SLC23A2: variants seen among roughly 807,000 people sequenced by gnomAD.
SLC23A2 encodes solute carrier family 23 member 2.
SLC23A2 carries 36 observed loss-of-function variants against 73.3 expected under a neutral mutation model. The ratio of observed to expected loss-of-function variants is 0.49; its 90% CI spans 0.38 to 0.65. The LOEUF (loss-of-function observed/expected upper bound fraction) is 0.65. Among genes scored for constraint, SLC23A2 ranks in the 30% least tolerant of loss-of-function variants. The pLI, the probability that SLC23A2 is intolerant of heterozygous loss-of-function variation, is 0.00. For missense variants in SLC23A2, 507 were observed against 841.6 expected (o/e 0.60, Z 4.92); for synonymous variants, 343 against 327.3 (o/e 1.05, Z -0.52).
At chr20:4,961,180 T>C (rs999958937) in intron 2 of SLC23A2, among the ~76,000 whole-genome samples, 3 of 150,636 alleles carry the variant, frequency 2.0e-5, no homozygotes, top group Admixed American at 6.7e-5. Flanking sequence ...CGATCTTGGC[T>C]CACTGCAACC....
chr20:4,912,133 C>G (rs1327664111), intron 4 of SLC23A2, among the ~76,000 whole-genome samples: 3 of 151,816 alleles, frequency 2.0e-5, no homozygotes, highest in Admixed American at 2.0e-4. Flanking sequence ...GTGTGAGCCA[C>G]TGAGCCCAGA....
intron 9 of SLC23A2, among the ~76,000 whole-genome samples, chr20:4,880,975 C>T (rs971031348): frequency 3.3e-5 from 5 of 152,290 alleles, no homozygotes; most frequent in Non-Finnish European, 7.4e-5. Flanking sequence ...GAGCAAGGCT[C>T]GCAGAGGGTG....
chr20:4,908,872 T>C (rs1932048325), intron 4 of SLC23A2, among the ~76,000 whole-genome samples: 1 of 152,214 alleles, frequency 6.6e-6, no homozygotes, highest in Non-Finnish European at 1.5e-5. Flanking sequence ...GGGCGGAGGT[T>C]GCAGTGAGCT....
At chr20:4,940,599 A>G (rs1015570201) in intron 2 of SLC23A2, among the ~76,000 whole-genome samples, 1 of 152,198 alleles carries the variant, frequency 6.6e-6, no homozygotes, top group Non-Finnish European at 1.5e-5. Flanking sequence ...ACATTTTAAC[A>G]TTGTTAAGAA....
intron 3 of SLC23A2, among the ~76,000 whole-genome samples, chr20:4,913,695 C>T (rs868016627): frequency 1.3e-5 from 2 of 152,046 alleles, no homozygotes; most frequent in South Asian, 4.1e-4. Flanking sequence ...GGCGTGATCT[C>T]GGCTCACTGC....
chr20:4,979,202 A>T (rs1258899046), intron 1 of SLC23A2, among the ~76,000 whole-genome samples: 2 of 152,144 alleles, frequency 1.3e-5, no homozygotes, highest in Non-Finnish European at 2.9e-5. Context: ...CTGAGGCAGG[A>T]GAATCGCTTG....
In SLC23A2 at chr20:4,899,527, G is replaced by C. The variant is rs200443128; in HGVS notation, c.482+28C>G. The C allele has an allele frequency of 4.9e-4, 789 of 1,607,838 alleles. 4 individuals are homozygous for C. In the African/African-American group the frequency reaches 8.9e-3, roughly 18 times the overall value. On this transcript the variant is annotated intron_variant, in intron 6 of 16. Coordinates refer to ENST00000338244, the MANE Select transcript of SLC23A2 (RefSeq NM_005116.6). This position sits in a 1 kb window ranked among gnomAD's most constrained non-coding sequence, Gnocchi z 4.9. ...CGCTCAATGCCTTCTGGGGGCTTTG[G>C]CATCCCCCATTAGTACCCCAATCTC...
chr20:4,951,656 G>A (rs2087204737), intron 2 of SLC23A2, among the ~76,000 whole-genome samples: 1 of 152,160 alleles, frequency 6.6e-6, no homozygotes, highest in Non-Finnish European at 1.5e-5. Flanking sequence ...ATGGGTTTTA[G>A]GATTCTCTGC....
At chr20:4,922,671 T>C (rs1280066654) in intron 3 of SLC23A2, among the ~76,000 whole-genome samples, 1 of 151,802 alleles carries the variant, frequency 6.6e-6, no homozygotes, top group Non-Finnish European at 1.5e-5. Context: ...TACCAAAAAA[T>C]ACGAAAATTA....
intron 3 of SLC23A2, among the ~76,000 whole-genome samples, chr20:4,929,875 G>C (rs3787470): frequency 0.29 from 43,682 of 152,052 alleles, 8,052 homozygotes; most frequent in East Asian, 0.64. Flanking sequence ...AGGCTGGAAG[G>C]CTGGGCCGTA....
At chr20:4,966,609 A>G (rs2087479036) in intron 2 of SLC23A2, among the ~76,000 whole-genome samples, 1 of 152,232 alleles carries the variant, frequency 6.6e-6, no homozygotes, top group South Asian at 2.1e-4. Flanking sequence ...CTTATAAAAT[A>G]TATTACTAAA....
At chr20:4,960,856 G>C (rs1168927722) in intron 2 of SLC23A2, among the ~76,000 whole-genome samples, 3 of 152,160 alleles carry the variant, frequency 2.0e-5, no homozygotes, top group Non-Finnish European at 4.4e-5. Context: ...TATTAGGTCT[G>C]GGTATCTAGC....
chr20:4,920,422 C>T (rs889737110), intron 3 of SLC23A2, among the ~76,000 whole-genome samples: 1 of 152,198 alleles, frequency 6.6e-6, no homozygotes, highest in African/African-American at 2.4e-5. Flanking sequence ...CTTACCAAGG[C>T]ACATCCCCTC....
intron 4 of SLC23A2, among the ~76,000 whole-genome samples, chr20:4,912,034 A>T (rs1932172484): frequency 6.7e-6 from 1 of 148,540 alleles, no homozygotes; most frequent in Non-Finnish European, 1.5e-5. Context: ...TTGTAGAGAC[A>T]GGATCTTGCT....
In SLC23A2 at chr20:4,967,933, C is replaced by T. The variant is rs144233157; in HGVS notation, c.-155+2860G>A. On this transcript the variant is annotated intron_variant, in intron 2 of 16. Transcript: ENST00000338244. ...TTATTAATGACAAAAACGAAAGGTA[C>T]GAGCAAGCCTCCTCTTTTCTCAGTT... 1.5e-4 allele frequency among the ~76,000 whole-genome samples: 23 copies of T among 152,290 alleles called. No homozygotes were observed. The East Asian group carries it at 4.2e-3, about 28-fold the overall frequency.
At chr20:4,896,339 GC>G (rs1931520890) in intron 6 of SLC23A2, among the ~76,000 whole-genome samples, 1 of 152,158 alleles carries the variant, frequency 6.6e-6, no homozygotes, top group Non-Finnish European at 1.5e-5. Flanking sequence ...CCCCACCGGA[GC>G]CCCAGCTCAC....
intron 2 of SLC23A2, among the ~76,000 whole-genome samples, chr20:4,960,100 G>A (rs774949984): frequency 2.0e-4 from 31 of 152,000 alleles, no homozygotes; most frequent in Non-Finnish European, 3.8e-4. Context: ...GGCCTCTAGC[G>A]GCTTTATTTA....
intron 16 of SLC23A2, among the ~76,000 whole-genome samples, chr20:4,858,346 G>A (rs559515325): frequency 6.6e-6 from 1 of 152,286 alleles, no homozygotes; most frequent in Admixed American, 6.5e-5. Context: ...TCTCTCATCA[G>A]TATTTCAGAA....
upstream of SLC23A2, among the ~76,000 whole-genome samples, chr20:5,006,313 G>C (rs913356255): frequency 6.6e-6 from 1 of 151,850 alleles, no homozygotes; most frequent in African/African-American, 2.4e-5. Context: ...TGGCCAGGCT[G>C]GTATTGAACT....
Sources: allele counts gnomAD v4.1 joint callset (sites outside exome capture counted in the v4.1 genomes callset), GRCh38; gene constraint gnomAD v4.1.1; non-coding constraint Gnocchi (gnomAD v3.1); transcripts MANE v1.5; gene names NCBI Gene and HGNC (gene_info 2026-07-23, HGNC 2026-07-21).